Variants in SMAP1 observed in about 807,000 individuals in gnomAD.
SMAP1 encodes stromal membrane-associated protein 1.
Under a neutral mutation model 58.5 loss-of-function variants are expected in SMAP1, and 24 were observed. The observed-to-expected ratio is 0.41, with a 90% CI of 0.30 to 0.58. The LOEUF (loss-of-function observed/expected upper bound fraction) is 0.58. Among genes scored for constraint, SMAP1 ranks in the 20% least tolerant of loss-of-function variants. The pLI, the probability that SMAP1 is intolerant of heterozygous loss-of-function variation, is 0.29. For synonymous variants in SMAP1, 216 were observed against 196.6 expected (o/e 1.10, Z -0.82); for missense variants, 563 against 566.3 (o/e 0.99, Z 0.06).
chr6:70,671,470 G>T (rs550463433), intron 1 of SMAP1, among the ~76,000 whole-genome samples: 2 of 152,090 alleles, frequency 1.3e-5, no homozygotes, highest in African/African-American at 2.4e-5. Context: ...CGTGGGAGGC[G>T]GAGGCAAGAG....
rs1347884881 is a variant in SMAP1 at position 70,745,631 on chromosome 6, T to G, written c.253-9349T>G. 3.6e-4 allele frequency among the ~76,000 whole-genome samples: 55 copies of G among 152,304 alleles called. 1 individual carries two copies. The highest frequency in any genetic ancestry group is 1.2e-3 in the African/African-American group (49 of 41,578). ...GTGATGCCTCCAGCTTTGTTCTTTT[T>G]GCTTAGGATTGTCTTGGCAATGTGG... On this transcript the variant is annotated intron_variant, in intron 2 of 10. Coordinates refer to ENST00000370455, the MANE Select transcript of SMAP1 (RefSeq NM_001044305.3).
chr6:70,726,265 TA>T (rs1768780739), intron 1 of SMAP1, among the ~76,000 whole-genome samples: 1 of 152,210 alleles, frequency 6.6e-6, no homozygotes, highest in Non-Finnish European at 1.5e-5. Context: ...TTGGCAGCAG[TA>T]ACCCAGATGG....
intron 2 of SMAP1, among the ~76,000 whole-genome samples, chr6:70,745,670 T>G (rs1766001607): frequency 6.6e-6 from 1 of 152,182 alleles, no homozygotes; most frequent in African/African-American, 2.4e-5. Context: ...CTTTTTTGGT[T>G]CCATATGAAC....
At chr6:70,718,560 A>AC (rs1350090090) in intron 1 of SMAP1, among the ~76,000 whole-genome samples, 1 of 152,098 alleles carries the variant, frequency 6.6e-6, no homozygotes, top group African/African-American at 2.4e-5. Context: ...GGTGGCTCAT[A>AC]CCTATAATCC....
In SMAP1 at chr6:70,804,212, T is replaced by C. The variant is rs149718013; in HGVS notation, c.576+5475T>C. 7.4e-3 allele frequency among the ~76,000 whole-genome samples: 1,133 copies of C among 152,328 alleles called. 8 individuals carry two copies. The highest frequency in any genetic ancestry group is 0.027 in the Middle Eastern group (8 of 294). ...ATATATTTAGGATAGTTAGCTCTTA[T>C]TGAATTGATCCCTTTACCGTTATGT... On this transcript the variant is annotated intron_variant, in intron 6 of 10. Transcript: ENST00000370455.
At chr6:70,757,069 T>G (rs553277247) in intron 3 of SMAP1, among the ~76,000 whole-genome samples, 44 of 152,350 alleles carry the variant, frequency 2.9e-4, no homozygotes, top group African/African-American at 1.0e-3. Context: ...AAGGCAATCC[T>G]AAGCCAAAAG....
At chr6:70,834,817 A>G (rs1330501690) in intron 6 of SMAP1, among the ~76,000 whole-genome samples, 1 of 152,238 alleles carries the variant, frequency 6.6e-6, no homozygotes, top group African/African-American at 2.4e-5. Flanking sequence ...TTATTTTGAA[A>G]TCCTTTTGCT....
At chr6:70,791,868 T>G (rs932317894) in intron 5 of SMAP1, 99 bp downstream of exon 5, 3 of 937,494 alleles carry the variant, frequency 3.2e-6, no homozygotes, top group Non-Finnish European at 3.1e-6. Flanking sequence ...TAGTTGTTGA[T>G]ATTTTGAATG....
rs958358095 is a variant in SMAP1 at position 70,860,936 on chromosome 6, C to CAA, written c.*604_*605dup. On this transcript the variant is annotated 3_prime_UTR_variant, in exon 11 of 11. Coordinates refer to ENST00000370455, the MANE Select transcript of SMAP1 (RefSeq NM_001044305.3). Reference sequence around the variant, plus strand: ...TCGTTTAATGAATGCTTAAAGAATTCAAATTTTATCTGCCTCTCTTGTAAT... The same window carrying CAA: ...TCGTTTAATGAATGCTTAAAGAATTCAAAAATTTTATCTGCCTCTCTTGTAAT... 4.0e-5 allele frequency: 15 copies of CAA among 372,984 alleles called. No homozygotes were observed. The highest frequency in any genetic ancestry group is 2.3e-4 in the Admixed American group (5 of 21,920). The allele number at this position is 372,984 out of a possible 1,614,324, so 23.1% of individuals were successfully genotyped here. A position where few individuals can be genotyped will look rare whatever the true frequency, so the allele number is the denominator to read the frequency against.
chr6:70,853,143 A>C (rs545309811), intron 8 of SMAP1, among the ~76,000 whole-genome samples: 1 of 152,312 alleles, frequency 6.6e-6, no homozygotes, highest in South Asian at 2.1e-4. Flanking sequence ...TGTCTTTTTA[A>C]AATAAAGGCA....
chr6:70,713,751 A>G (rs575068638), intron 1 of SMAP1, among the ~76,000 whole-genome samples: 5 of 152,218 alleles, frequency 3.3e-5, no homozygotes, highest in South Asian at 2.1e-4. Context: ...AGGCTTGTCA[A>G]GTTTATTTGG....
At chr6:70,715,569 T>C (rs1210649195) in intron 1 of SMAP1, among the ~76,000 whole-genome samples, 1 of 152,180 alleles carries the variant, frequency 6.6e-6, no homozygotes, top group African/African-American at 2.4e-5. Flanking sequence ...ATGGCTTCAC[T>C]TAAGTCCCTT....
chr6:70,677,876 C>T (rs1446802208), intron 1 of SMAP1, among the ~76,000 whole-genome samples: 1 of 152,096 alleles, frequency 6.6e-6, no homozygotes, highest in African/African-American at 2.4e-5. Flanking sequence ...AAAATTGTTT[C>T]ACTGTAATGC....
At chr6:70,760,252 A>G (rs1766693510) in intron 3 of SMAP1, among the ~76,000 whole-genome samples, 1 of 152,086 alleles carries the variant, frequency 6.6e-6, no homozygotes, top group Non-Finnish European at 1.5e-5. Context: ...GATTAACTAT[A>G]TATTTGCTGT....
chr6:70,706,937 A>C (rs1036946149), intron 1 of SMAP1, among the ~76,000 whole-genome samples: 1 of 152,218 alleles, frequency 6.6e-6, no homozygotes, highest in Admixed American at 6.5e-5. Flanking sequence ...TTTAATCATT[A>C]GTCATTAGAA....
At chr6:70,746,577 T>A (rs914835536) in intron 2 of SMAP1, among the ~76,000 whole-genome samples, 1 of 152,182 alleles carries the variant, frequency 6.6e-6, no homozygotes, top group African/African-American at 2.4e-5. Flanking sequence ...GGTTTTCCAG[T>A]ATCTTATTGA....
chr6:70,838,124 A>G (rs904936144), intron 7 of SMAP1, among the ~76,000 whole-genome samples: 4 of 152,174 alleles, frequency 2.6e-5, no homozygotes, highest in African/African-American at 9.7e-5. Flanking sequence ...CCTTTACTGT[A>G]AATGAGAGAA....
intron 1 of SMAP1, among the ~76,000 whole-genome samples, chr6:70,681,104 G>GA (rs1333226522): frequency 8.2e-6 from 1 of 121,368 alleles, no homozygotes; most frequent in Non-Finnish European, 1.8e-5. Flanking sequence ...CGGGATGAGG[G>GA]AGTTTATTTA....
chr6:70,784,450 C>T (rs1239096990), intron 4 of SMAP1, among the ~76,000 whole-genome samples: 1 of 152,112 alleles, frequency 6.6e-6, no homozygotes, highest in East Asian at 1.9e-4. Context: ...TAACACATAA[C>T]AATATTAACT....
Sources: gnomAD v4.1 joint callset for allele counts (sites outside exome capture counted in the v4.1 genomes callset) on GRCh38, gnomAD v4.1.1 for gene constraint, MANE v1.5 for transcripts, NCBI Gene and HGNC (gene_info 2026-07-23, HGNC 2026-07-21) for gene names.